The following DENND1B variants were observed in gnomAD, a reference collection of about 807,000 sequenced individuals.
DENND1B encodes DENN domain-containing protein 1B.
Under a neutral mutation model 90.1 loss-of-function variants are expected in DENND1B, and 59 were observed. The observed-to-expected ratio is 0.65, with a 90% CI of 0.53 to 0.81. The LOEUF (loss-of-function observed/expected upper bound fraction) is 0.81. DENND1B is among the 40% of genes least tolerant of loss of function. DENND1B has a pLI of 0.00. For missense variants in DENND1B, 862 were observed against 912.6 expected (o/e 0.94, Z 0.71); for synonymous variants, 337 against 324.6 (o/e 1.04, Z -0.41).
chr1:197,748,608 G>A (rs944814595), intron 2 of DENND1B, among the ~76,000 whole-genome samples: 1 of 152,192 alleles, frequency 6.6e-6, no homozygotes, highest in Non-Finnish European at 1.5e-5. Context: ...AAGACTCATC[G>A]GCTATTGTGG....
chr1:197,641,926 A>G (rs1680303028), intron 10 of DENND1B, among the ~76,000 whole-genome samples: 1 of 152,158 alleles, frequency 6.6e-6, no homozygotes, highest in Non-Finnish European at 1.5e-5. Context: ...CAAATTTGTG[A>G]GGAAGAAAAT....
intron 20 of DENND1B, among the ~76,000 whole-genome samples, chr1:197,517,331 G>T (rs1276812018): frequency 6.6e-6 from 1 of 151,840 alleles, no homozygotes. Flanking sequence ...ACATTCACTT[G>T]CCTTTCATTC....
Position 197,518,992 on chromosome 1 carries a change from C to T in DENND1B, c.1516-6039G>A, listed in dbSNP as rs555215106. On this transcript the variant is annotated intron_variant, in intron 20 of 22. Coordinates refer to ENST00000620048, the MANE Select transcript of DENND1B (RefSeq NM_001195215.2). ...ATTCATAGGTTCTATTTTTATAGCTCTGTAAAGATAGAAATTAACTTGTGA... is the reference window on the plus strand; with the variant it reads ...ATTCATAGGTTCTATTTTTATAGCTTTGTAAAGATAGAAATTAACTTGTGA... 4.6e-5 allele frequency among the ~76,000 whole-genome samples: 7 copies of T among 151,968 alleles called. No homozygotes were observed. The South Asian group carries it at 1.5e-3, about 32-fold the overall frequency.
In DENND1B at chr1:197,770,833, TATAA is replaced by T. The variant is rs1434471877; in HGVS notation, c.82+2031_82+2034del. 1.2e-4 allele frequency among the ~76,000 whole-genome samples: 12 copies of T among 96,736 alleles called. No individual in the cohort carries two copies. In the South Asian group the frequency reaches 2.6e-3, roughly 21 times the overall value. The allele number at this position is 96,736 out of a possible 152,430, so 63.5% of individuals were successfully genotyped here. On this transcript the variant is annotated intron_variant, in intron 2 of 22. Transcript: ENST00000620048. ...ATAAATATATATGTAAATATATATC[TATAA>T]ATATATATAAATATATATCTATAAA...
At chr1:197,688,019 G>A (rs1578720) in intron 3 of DENND1B, among the ~76,000 whole-genome samples, 123,299 of 152,076 alleles carry the variant, frequency 0.81, 50,112 homozygotes, top group East Asian at 0.89. Flanking sequence ...TCTGTATACA[G>A]TAACATCAAA....
chr1:197,662,171 T>G (rs1654469604), intron 5 of DENND1B, among the ~76,000 whole-genome samples: 1 of 152,072 alleles, frequency 6.6e-6, no homozygotes, highest in Admixed American at 6.6e-5. Context: ...ATATTTCTCA[T>G]AGTCATCTCT....
chr1:197,575,506 T>C (rs1359586045), intron 15 of DENND1B, among the ~76,000 whole-genome samples: 1 of 152,136 alleles, frequency 6.6e-6, no homozygotes. Flanking sequence ...AGTTCAACCA[T>C]TGTGGAAAAA....
Position 197,644,056 on chromosome 1 carries a change from G to C in DENND1B, c.562-1235C>G, listed in dbSNP as rs376947374. 7.7e-4 allele frequency among the ~76,000 whole-genome samples: 117 copies of C among 152,278 alleles called. 4 individuals carry two copies. In the South Asian group the frequency reaches 0.023, roughly 30 times the overall value. On this transcript the variant is annotated intron_variant, in intron 9 of 22. Coordinates refer to ENST00000620048, the MANE Select transcript of DENND1B (RefSeq NM_001195215.2). ...ATCACAAATTGGTAATCATGATAGA[G>C]CACATCAATAGAACCTGTAACTATC...
At chr1:197,544,759 AGAG>A (rs1043611893) in intron 18 of DENND1B, among the ~76,000 whole-genome samples, 4 of 148,342 alleles carry the variant, frequency 2.7e-5, no homozygotes, top group African/African-American at 1.0e-4. Flanking sequence ...AGAAAGAAGA[AGAG>A]GAAGAGGACG....
intron 18 of DENND1B, among the ~76,000 whole-genome samples, chr1:197,541,668 T>G (rs1571802847): frequency 6.6e-6 from 1 of 152,186 alleles, no homozygotes; most frequent in Non-Finnish European, 1.5e-5. Context: ...TTTGTTCCAC[T>G]AGAAATTCCT....
intron 2 of DENND1B, among the ~76,000 whole-genome samples, chr1:197,770,808 ATAAATATATATG>A (rs1311989832): frequency 2.8e-5 from 4 of 140,516 alleles, no homozygotes; most frequent in Middle Eastern, 3.6e-3. Flanking sequence ...AAATATATAT[ATAAATATATATG>A]TAAATATATA....
At chr1:197,660,486 G>C (rs1406874602) in intron 5 of DENND1B, among the ~76,000 whole-genome samples, 1 of 151,938 alleles carries the variant, frequency 6.6e-6, no homozygotes, top group Non-Finnish European at 1.5e-5. Context: ...TCATTTTAAA[G>C]AATGACTGGA....
chr1:197,528,645 G>C (rs1183608389), intron 20 of DENND1B, among the ~76,000 whole-genome samples: 1 of 152,148 alleles, frequency 6.6e-6, no homozygotes, highest in East Asian at 1.9e-4. Flanking sequence ...CGGATCACGA[G>C]ATCAGGAGAT....
intron 2 of DENND1B, among the ~76,000 whole-genome samples, chr1:197,718,057 G>C (rs1660807657): frequency 6.6e-6 from 1 of 151,964 alleles, no homozygotes; most frequent in South Asian, 2.1e-4. Context: ...TGAAGAAATT[G>C]AGGTCAAAAC....
intron 2 of DENND1B, among the ~76,000 whole-genome samples, chr1:197,729,993 T>C (rs1662006708): frequency 6.6e-6 from 1 of 152,000 alleles, no homozygotes. Context: ...ACGAAAAAAG[T>C]TCTGACCTCA....
At chr1:197,683,678 C>A (rs1656928269) in intron 3 of DENND1B, among the ~76,000 whole-genome samples, 1 of 152,122 alleles carries the variant, frequency 6.6e-6, no homozygotes, top group Admixed American at 6.6e-5. Context: ...TATCCTTCTT[C>A]ATATTTTTAT....
At chr1:197,745,293 G>A (rs1241367818) in intron 2 of DENND1B, among the ~76,000 whole-genome samples, 8 of 152,110 alleles carry the variant, frequency 5.3e-5, no homozygotes, top group Non-Finnish European at 1.2e-4. Context: ...CTTTTTAAAT[G>A]CCTTCCTCAC....
rs1157234140 is a variant in DENND1B at position 197,510,440 on chromosome 1, T to C, written c.*20A>G. 8 of 1,582,470 alleles carry C rather than the reference T, an allele frequency of 5.1e-6. No homozygotes were observed. The highest frequency in any genetic ancestry group is 2.7e-5 in the African/African-American group (2 of 73,784). ...TGCATTGAATCTCAAAATGTCTCCATAGAAGCTTGGATGCAAGATTTAAGT... is the reference window on the plus strand; with the variant it reads ...TGCATTGAATCTCAAAATGTCTCCACAGAAGCTTGGATGCAAGATTTAAGT... On this transcript the variant is annotated 3_prime_UTR_variant, in exon 23 of 23. Transcript: ENST00000620048.
intron 10 of DENND1B, among the ~76,000 whole-genome samples, chr1:197,624,888 G>A (rs376999600): frequency 0.024 from 3,675 of 151,936 alleles, 151 homozygotes; most frequent in African/African-American, 0.084. Context: ...CTCAGGAGCC[G>A]ATGCGATCAA....
Sources: allele counts gnomAD v4.1 joint callset (sites outside exome capture counted in the v4.1 genomes callset), GRCh38; gene constraint gnomAD v4.1.1; transcripts MANE v1.5; gene names NCBI Gene and HGNC (gene_info 2026-07-23, HGNC 2026-07-21).